Variants in PATJ observed in about 807,000 individuals in gnomAD.
PATJ encodes the protein inaD-like protein.
In PATJ, 190 loss-of-function variants were observed where a neutral mutation model predicts 224.9. The observed-to-expected ratio is 0.84, with a 90% CI of 0.75 to 0.95. PATJ has a LOEUF of 0.95. Ranked by LOEUF, PATJ falls within the 40% of genes least tolerant of loss-of-function variation. The pLI is 0.00. For missense variants in PATJ, 2,121 were observed against 2,270.3 expected (o/e 0.93, Z 1.34); for synonymous variants, 769 against 820.3 (o/e 0.94, Z 1.07).
chr1:62,066,080 C>G (rs1386009647), intron 31 of PATJ, among the ~76,000 whole-genome samples: 1 of 152,170 alleles, frequency 6.6e-6, no homozygotes, highest in Non-Finnish European at 1.5e-5. Context: ...CAGTTATGTC[C>G]CAGGCTCTGC....
chr1:61,851,320 G>C (rs1662772762), intron 17 of PATJ, among the ~76,000 whole-genome samples: 1 of 152,130 alleles, frequency 6.6e-6, no homozygotes, highest in Admixed American at 6.5e-5. Context: ...AAGTGCTTGG[G>C]TCTTCAGGGA....
At chr1:61,944,360 C>T (rs1337100745) in intron 27 of PATJ, among the ~76,000 whole-genome samples, 2 of 152,060 alleles carry the variant, frequency 1.3e-5, no homozygotes, top group Non-Finnish European at 2.9e-5. Context: ...ACTAGAATAA[C>T]CAGTGTAGAG....
intron 27 of PATJ, among the ~76,000 whole-genome samples, chr1:61,958,925 G>T (rs143454550): frequency 6.6e-6 from 1 of 152,126 alleles, no homozygotes; most frequent in African/African-American, 2.4e-5. Flanking sequence ...AAACCTTGAA[G>T]ATACACATTT....
At chr1:61,955,002 C>T in intron 27 of PATJ, among the ~76,000 whole-genome samples, 1 of 152,262 alleles carries the variant, frequency 6.6e-6, no homozygotes, top group East Asian at 1.9e-4. Flanking sequence ...ATCCTCCAGC[C>T]TCGGCCTCCC....
chr1:61,982,799 A>G lies in PATJ; in HGVS notation c.3671-7369A>G, dbSNP rs192880302. Among the ~76,000 whole-genome samples, 400 of 152,110 alleles carry G rather than the reference A, an allele frequency of 2.6e-3. 12 individuals are homozygous for G. The highest frequency in any genetic ancestry group is 8.9e-3 in the African/African-American group (370 of 41,406). On this transcript the variant is annotated intron_variant, in intron 27 of 43. Coordinates refer to ENST00000642238, the MANE Select transcript of PATJ (RefSeq NM_001350145.3). ...GTGGTGTGTATTTTTGTGTGGCAAC[A>G]AAGGATGGGTTCTTTGTTTTTTCTG...
At chr1:61,750,249 T>C (rs1421276860) in intron 1 of PATJ, among the ~76,000 whole-genome samples, 1 of 152,176 alleles carries the variant, frequency 6.6e-6, no homozygotes, top group Non-Finnish European at 1.5e-5. Flanking sequence ...TGCCCTTGCT[T>C]TGACCCTTTG....
At position 61,927,769 on chromosome 1, in the gene PATJ, C is replaced by A. The variant is rs1357276178; in HGVS notation, c.3610C>A (p.Pro1204Thr). ...TCCACCGCCAATGAAACTTCCTCCT[C>A]CTTATAAAGCTCTGACTGATGACAG... ...TAPPPMKLPP[P>T]YKALTDDSDE... is the part of the protein sequence containing the mutation. The change falls in exon 27 of 44, where the codon CCT (proline) becomes ACT (threonine). Residue 1204 changes from proline to threonine, a missense_variant. Transcript: ENST00000642238. 2 of 1,613,520 alleles carry A rather than the reference C, an allele frequency of 1.2e-6. No individual in the cohort carries two copies. Among genetic ancestry groups the A allele is most frequent in the Admixed American group, 3.3e-5 (2 of 59,932 alleles).
At chr1:61,756,845 T>G (rs892745896) in intron 1 of PATJ, among the ~76,000 whole-genome samples, 2 of 151,942 alleles carry the variant, frequency 1.3e-5, no homozygotes, top group African/African-American at 4.8e-5. Context: ...ATGCTGGGAT[T>G]ATAGGCATGA....
rs1334268014 is a variant in PATJ at position 61,864,460 on chromosome 1, T to C, written c.2662T>C (p.Leu888=). The change falls in exon 20 of 44, where the codon TTG becomes CTG. Residue 888 remains leucine, a synonymous_variant. Coordinates refer to ENST00000642238, the MANE Select transcript of PATJ (RefSeq NM_001350145.3). ...TCAAGATCCCTCACCATCCATGGAG[T>C]TGTATCCCTTGTCGCACATTCAAGA... ...LYQDPSPSME[L]YPLSHIQEAT... is the part of the protein sequence containing the mutation. 1.9e-6 allele frequency: 3 copies of C among 1,613,760 alleles called. No homozygotes were observed. The highest frequency in any genetic ancestry group is 3.3e-5 in the Admixed American group (2 of 59,996).
At chr1:62,017,294 G>A (rs931325236) in intron 28 of PATJ, among the ~76,000 whole-genome samples, 30 of 151,720 alleles carry the variant, frequency 2.0e-4, no homozygotes, top group Non-Finnish European at 1.3e-4. Flanking sequence ...CACACCTGTC[G>A]TCCCAGCTAC....
intron 17 of PATJ, among the ~76,000 whole-genome samples, chr1:61,850,828 G>A (rs1303012192): frequency 1.3e-5 from 2 of 152,200 alleles, no homozygotes; most frequent in African/African-American, 4.8e-5. Flanking sequence ...GATGGTGTGA[G>A]AATTAAATGG....
chr1:62,071,886 C>A (rs942711872), intron 31 of PATJ, among the ~76,000 whole-genome samples: 1 of 152,126 alleles, frequency 6.6e-6, no homozygotes, highest in Non-Finnish European at 1.5e-5. Context: ...GCTTACCTAC[C>A]TGCTGTCTGT....
chr1:61,793,866 G>A (rs1028698077), intron 9 of PATJ, among the ~76,000 whole-genome samples: 3 of 151,896 alleles, frequency 2.0e-5, no homozygotes, highest in Non-Finnish European at 2.9e-5. Context: ...TATTTCGTTG[G>A]CAATGGAAAG....
At chr1:61,881,670 C>T (rs1668122295) in intron 21 of PATJ, among the ~76,000 whole-genome samples, 1 of 152,126 alleles carries the variant, frequency 6.6e-6, no homozygotes, top group South Asian at 2.1e-4. Context: ...CCTTGGCCTT[C>T]CAAAGTGCTG....
intron 41 of PATJ, among the ~76,000 whole-genome samples, chr1:62,139,173 G>A (rs1188810637): frequency 1.3e-5 from 2 of 152,046 alleles, no homozygotes; most frequent in African/African-American, 4.8e-5. Context: ...GGCCGAGGCA[G>A]GCGGATCACG....
intron 1 of PATJ, among the ~76,000 whole-genome samples, chr1:61,751,001 C>CTTT (rs753746478): frequency 1.5e-5 from 2 of 137,866 alleles, no homozygotes; most frequent in Non-Finnish European, 3.2e-5. Flanking sequence ...TTTTATTTTA[C>CTTT]TTTTTTTTTT....
At chr1:62,148,085 C>A (rs1331713077) in intron 41 of PATJ, among the ~76,000 whole-genome samples, 199 bp from the exon 42 acceptor site, 2 of 133,064 alleles carry the variant, frequency 1.5e-5, no homozygotes, top group Non-Finnish European at 3.1e-5. Flanking sequence ...CATGTCACTG[C>A]ACTCCAACCT....
At chr1:62,132,945 AT>A (rs755479157) in intron 41 of PATJ, among the ~76,000 whole-genome samples, 14 of 151,502 alleles carry the variant, frequency 9.2e-5, no homozygotes, top group African/African-American at 2.7e-4. Flanking sequence ...AATAGGTGTG[AT>A]TTTTTTTTAA....
intron 28 of PATJ, among the ~76,000 whole-genome samples, chr1:61,990,720 C>T (rs1395766008): frequency 1.3e-5 from 2 of 151,938 alleles, no homozygotes; most frequent in Non-Finnish European, 2.9e-5. Flanking sequence ...ATTAGTCATA[C>T]ATGTAACTGT....
Sources: gnomAD v4.1 joint callset for allele counts (sites outside exome capture counted in the v4.1 genomes callset) on GRCh38, gnomAD v4.1.1 for gene constraint, MANE v1.5 for transcripts, NCBI Gene and HGNC (gene_info 2026-07-23, HGNC 2026-07-21) for gene names.